The following UBR3 variants were observed in gnomAD, a reference collection of about 807,000 sequenced individuals.
The protein encoded by UBR3 is ubiquitin protein ligase E3 component n-recognin 3, also known as E3 ubiquitin-protein ligase UBR3.
UBR3 carries 85 observed loss-of-function variants against 243.2 expected under a neutral mutation model. The ratio of observed to expected loss-of-function variants is 0.35; its 90% CI spans 0.29 to 0.42. UBR3 has a LOEUF of 0.42. Among genes scored for constraint, UBR3 ranks in the 10% least tolerant of loss-of-function variants. UBR3 has a pLI of 1.00. For synonymous variants in UBR3, 748 were observed against 799.8 expected, an observed-to-expected ratio of 0.94 and a Z score of 1.09; for missense variants, 1,686 against 2,300.8, an observed-to-expected ratio of 0.73 and a Z score of 5.47.
At chr2:170,076,299 T>G (rs1039699909) in intron 36 of UBR3, among the ~76,000 whole-genome samples, 2 of 152,198 alleles carry the variant, frequency 1.3e-5, no homozygotes, top group Non-Finnish European at 2.9e-5. Context: ...AACAAACTAG[T>G]GGCCCACTAC....
At chr2:169,933,322 G>A (rs1290261644) in intron 19 of UBR3, among the ~76,000 whole-genome samples, 1 of 152,120 alleles carries the variant, frequency 6.6e-6, no homozygotes, top group Admixed American at 6.5e-5. Flanking sequence ...AGTAGGGGAG[G>A]CACAAGTTAA....
intron 11 of UBR3, 81 bp downstream of exon 11, chr2:169,914,227 G>T: frequency 1.5e-6 from 1 of 668,376 alleles, no homozygotes; most frequent in South Asian, 3.6e-5. Context: ...ATTTAATGTT[G>T]AAAATAATGA....
At chr2:169,850,661 G>A (rs572136864) in intron 1 of UBR3, among the ~76,000 whole-genome samples, 24 of 152,208 alleles carry the variant, frequency 1.6e-4, no homozygotes, top group African/African-American at 5.5e-4. Flanking sequence ...TGGCTAACAC[G>A]GTGAAACCCC....
At chr2:170,024,836 G>T (rs2090486437) in intron 30 of UBR3, among the ~76,000 whole-genome samples, 1 of 152,132 alleles carries the variant, frequency 6.6e-6, no homozygotes, top group Non-Finnish European at 1.5e-5. Flanking sequence ...CAGTTGTAAA[G>T]AATTTGATTA....
intron 1 of UBR3, among the ~76,000 whole-genome samples, chr2:169,831,352 G>A (rs1297319977): frequency 6.7e-6 from 1 of 148,286 alleles, no homozygotes; most frequent in Non-Finnish European, 1.5e-5. Context: ...GTTTCTCCAT[G>A]TTGGTCAGGC....
intron 18 of UBR3, 88 bp from the exon 19 acceptor site, chr2:169,932,824 G>A (rs2086187731): frequency 8.8e-7 from 1 of 1,136,698 alleles, no homozygotes; most frequent in Non-Finnish European, 1.3e-6. Context: ...TGTTTTAAAT[G>A]TAAAATATAC....
intron 26 of UBR3, among the ~76,000 whole-genome samples, chr2:170,000,204 G>T (rs528957365): frequency 2.9e-4 from 44 of 152,070 alleles, no homozygotes; most frequent in African/African-American, 1.1e-3. Context: ...TATAGTCTGG[G>T]TCCCTTCTTT....
At chr2:170,065,276 G>A (rs2091537462) in intron 35 of UBR3, among the ~76,000 whole-genome samples, 2 of 151,878 alleles carry the variant, frequency 1.3e-5, no homozygotes, top group African/African-American at 4.8e-5. Context: ...TTAGTCAGGT[G>A]TTTTAATACT....
At chr2:169,840,274 ATC>A (rs1450593393) in intron 1 of UBR3, among the ~76,000 whole-genome samples, 1 of 152,076 alleles carries the variant, frequency 6.6e-6, no homozygotes, top group Non-Finnish European at 1.5e-5. Flanking sequence ...GAGCTGTCTT[ATC>A]TGTGTTTTAC....
At chr2:169,885,047 G>T (rs1348392762) in intron 5 of UBR3, among the ~76,000 whole-genome samples, 1 of 152,068 alleles carries the variant, frequency 6.6e-6, no homozygotes, top group Non-Finnish European at 1.5e-5. Context: ...CATTTTACTT[G>T]GAACTGTAGG....
intron 32 of UBR3, among the ~76,000 whole-genome samples, chr2:170,041,295 A>G (rs2090962556): frequency 6.6e-6 from 1 of 152,326 alleles, no homozygotes; most frequent in East Asian, 1.9e-4. Flanking sequence ...AAAAATGACA[A>G]TGAAAAAGTG....
At chr2:170,069,797 G>A (rs904576069) in intron 35 of UBR3, among the ~76,000 whole-genome samples, 3 of 151,426 alleles carry the variant, frequency 2.0e-5, no homozygotes, top group Admixed American at 6.6e-5. Context: ...GTCATCCATC[G>A]CTATCTGTAG....
chr2:169,902,853 G>A (rs568750454), intron 8 of UBR3, among the ~76,000 whole-genome samples: 11 of 152,156 alleles, frequency 7.2e-5, no homozygotes, highest in East Asian at 1.9e-4. Flanking sequence ...CAGGTGATTC[G>A]CCCATTTTGG....
chr2:169,939,568 T>G (rs1245177646), intron 19 of UBR3, among the ~76,000 whole-genome samples: 4 of 151,092 alleles, frequency 2.6e-5, no homozygotes, highest in Non-Finnish European at 4.4e-5. Flanking sequence ...TGCCAGGCCT[T>G]TTTTTTTCCT....
chr2:170,053,633 T>C (rs981715269), intron 32 of UBR3, among the ~76,000 whole-genome samples: 1 of 152,212 alleles, frequency 6.6e-6, no homozygotes, highest in East Asian at 1.9e-4. Flanking sequence ...ACACAGCCAC[T>C]TTAGCTGGGA....
intron 32 of UBR3, among the ~76,000 whole-genome samples, chr2:170,050,971 G>A (rs1386278347): frequency 6.6e-6 from 1 of 152,134 alleles, no homozygotes; most frequent in Non-Finnish European, 1.5e-5. Flanking sequence ...AAATGGTGTA[G>A]TATTTGCATA....
chr2:170,034,259 A>G (rs1186517161), intron 31 of UBR3, among the ~76,000 whole-genome samples: 9 of 151,958 alleles, frequency 5.9e-5, no homozygotes, highest in Non-Finnish European at 1.0e-4. Context: ...CAAATGTGCA[A>G]TGACATTTGG....
At chr2:169,833,166 G>A (rs1381062961) in intron 1 of UBR3, among the ~76,000 whole-genome samples, 1 of 152,054 alleles carries the variant, frequency 6.6e-6, no homozygotes, top group Non-Finnish European at 1.5e-5. Flanking sequence ...TCCATGTTTA[G>A]TTAAAAAAAT....
chr2:170,066,060 T>A (rs536516083), intron 35 of UBR3, among the ~76,000 whole-genome samples: 1 of 152,182 alleles, frequency 6.6e-6, no homozygotes, highest in Non-Finnish European at 1.5e-5. Context: ...AATGGAATTT[T>A]TGAACATTAA....
Sources: allele counts gnomAD v4.1 joint callset (sites outside exome capture counted in the v4.1 genomes callset), GRCh38; gene constraint gnomAD v4.1.1; transcripts MANE v1.5; gene names NCBI Gene and HGNC (gene_info 2026-07-23, HGNC 2026-07-21).